The following NOD2 variants were observed in gnomAD, a reference collection of about 807,000 sequenced individuals.
NOD2 encodes the protein nucleotide-binding oligomerization domain-containing protein 2.
In NOD2, 86 loss-of-function variants were observed where a neutral mutation model predicts 90.9. The observed-to-expected ratio is 0.95, with a 90% confidence interval of 0.79 to 1.13. The LOEUF is 1.13. Among genes scored for constraint, NOD2 ranks in the 50% most tolerant of loss-of-function variants. The pLI is 0.00. For synonymous variants in NOD2, 581 were observed against 554.6 expected (o/e 1.05, Z -0.67); for missense variants, 1,238 against 1,283.8 (o/e 0.96, Z 0.55).
chr16:50,711,948 A>C lies in NOD2; in HGVS notation c.1956A>C (p.Ala652=). 4 of 1,612,648 alleles carry C rather than the reference A, an allele frequency of 2.5e-6. No individual in the cohort carries two copies. The highest frequency in any genetic ancestry group is 3.4e-6 in the Non-Finnish European group (4 of 1,179,186). ...HNLQITAAFL[A]GLLSREHWGL... is the part of the protein sequence containing the mutation. Reference sequence around the variant, plus strand: ...TTCAGATCACAGCAGCCTTCCTGGCAGGGCTGTTGTCCCGGGAGCACTGGG... The same window carrying C: ...TTCAGATCACAGCAGCCTTCCTGGCCGGGCTGTTGTCCCGGGAGCACTGGG... The change falls in exon 4 of 12, where the codon GCA becomes GCC. Residue 652 remains alanine, a synonymous_variant. Transcript: ENST00000647318.
intron 2 of NOD2, among the ~76,000 whole-genome samples, chr16:50,703,490 T>G (rs1448773376): frequency 6.6e-6 from 1 of 151,832 alleles, no homozygotes; most frequent in African/African-American, 2.4e-5. Context: ...ATACAAAAAA[T>G]TAGCCAAGAA....
intron 7 of NOD2, among the ~76,000 whole-genome samples, chr16:50,720,996 G>A (rs141462423): frequency 0.022 from 3,281 of 152,056 alleles, 47 homozygotes; most frequent in Non-Finnish European, 0.033. Flanking sequence ...GTAGAGACAG[G>A]GTTTCACCAT....
At chr16:50,708,912 C>T (rs1964328479) in intron 3 of NOD2, among the ~76,000 whole-genome samples, 1 of 152,220 alleles carries the variant, frequency 6.6e-6, no homozygotes, top group Non-Finnish European at 1.5e-5. Flanking sequence ...GGAGTGCAGG[C>T]CCTGGTTTGG....
rs763097580 is a variant in NOD2 at position 50,716,688 on chromosome 16, G to A, written c.2465+18G>A. ...AAGTTAGCGTAAGTCAGCCTGGGCT[G>A]TGGACAATGGGCTCCAAGTGCCCTG... is the stretch of plus-strand genomic sequence containing the variant. On this transcript the variant is annotated intron_variant, in intron 5 of 11. Coordinates refer to ENST00000647318, the MANE Select transcript of NOD2 (RefSeq NM_001370466.1). 6.8e-6 allele frequency: 11 copies of A among 1,612,054 alleles called. No homozygotes were observed. The highest frequency in any genetic ancestry group is 8.5e-6 in the Non-Finnish European group (10 of 1,178,278).
chr16:50,710,450 C>G, intron 3 of NOD2, 108 bp from the exon 4 acceptor site: 3 of 1,504,670 alleles, frequency 2.0e-6, no homozygotes, highest in Non-Finnish European at 2.8e-6. Context: ...CCCGCTGGCT[C>G]TCCTATCCCT....
intron 4 of NOD2, 81 bp from the exon 5 acceptor site, chr16:50,716,506 G>A: frequency 7.5e-7 from 1 of 1,325,034 alleles, no homozygotes. Context: ...AGGGATGAAT[G>A]AAAGTCTTTT....
chr16:50,711,282 GA>G lies in NOD2; in HGVS notation c.1292del (p.Lys431SerfsTer59). 1 of 1,613,808 alleles carries G rather than the reference GA, an allele frequency of 6.2e-7. No individual in the cohort carries two copies. The highest frequency in any genetic ancestry group is 8.5e-7 in the Non-Finnish European group (1 of 1,180,026). On this transcript the variant is annotated frameshift_variant, in exon 4 of 12. Coordinates refer to ENST00000647318, the MANE Select transcript of NOD2 (RefSeq NM_001370466.1). LOFTEE classifies it high-confidence loss of function. ...AACAGGGCATCGAGCTGTACCTGAG[GA>G]AGCGCCATCATGAGCCCGGGGTGGC... Reference protein sequence around the residue: ...SEQGIELYLRKRHHEPGVADR... With the variant: ...SEQGIELYLRXRHHEPGVADR...
chr16:50,716,703 C>T (rs1284796609), intron 5 of NOD2, 33 bp downstream of exon 5: 1 of 1,599,914 alleles, frequency 6.3e-7, no homozygotes. Context: ...CAATGGGCTC[C>T]AAGTGCCCTG....
intron 3 of NOD2, 136 bp downstream of exon 3, chr16:50,708,096 A>T: frequency 1.4e-6 from 1 of 713,608 alleles, no homozygotes; most frequent in Admixed American, 2.0e-5. Flanking sequence ...CCTTGTTTTA[A>T]GGCTAGCACC....
chr16:50,695,553 C>T (rs1963608524), intron 1 of NOD2, among the ~76,000 whole-genome samples: 1 of 152,000 alleles, frequency 6.6e-6, no homozygotes, highest in Non-Finnish European at 1.5e-5. Flanking sequence ...GCATCATCAC[C>T]ATATAACTGG....
Position 50,732,424 on chromosome 16 carries a change from C to G in NOD2, c.*605C>G, listed in dbSNP as rs1965488813. The G allele has an allele frequency of 6.2e-6, 1 of 160,214 alleles. No individual in the cohort carries two copies. The highest frequency in any genetic ancestry group is 1.4e-5 in the Non-Finnish European group (1 of 71,882). 9.9% of individuals were successfully genotyped at this position (160,214 alleles called of 1,614,324 possible). On this transcript the variant is annotated 3_prime_UTR_variant, in exon 12 of 12. Transcript: ENST00000647318. Reference sequence around the variant, plus strand: ...TCACTTACAGCACCCCCAACCCTGGCACCCAGGGTGGGAAGGGCTACACCT... The same window carrying G: ...TCACTTACAGCACCCCCAACCCTGGGACCCAGGGTGGGAAGGGCTACACCT...
Position 50,716,644 on chromosome 16 carries a change from TCA to T in NOD2, c.2441_2442del (p.His814LeufsTer16). On this transcript the variant is annotated frameshift_variant, in exon 5 of 12. Coordinates refer to ENST00000647318, the MANE Select transcript of NOD2 (RefSeq NM_001370466.1). LOFTEE classifies it high-confidence loss of function. ...GICKLIECALHCEQLQKLALF... is the reference protein window; with the variant it reads ...GICKLIECALXCEQLQKLALF... ...TCTGCAAGCTCATTGAATGTGCTCT[TCA>T]CTGCGAGCAATTGCAGAAGTTAGCG... 6.2e-7 allele frequency: 1 copy of T among 1,614,226 alleles called. No homozygotes were observed. Among genetic ancestry groups the T allele is most frequent in the Middle Eastern group, 1.6e-4 (1 of 6,062 alleles).
chr16:50,701,796 T>C (rs149952929), intron 2 of NOD2, among the ~76,000 whole-genome samples: 1 of 152,282 alleles, frequency 6.6e-6, no homozygotes, highest in Non-Finnish European at 1.5e-5. Flanking sequence ...GAAATCATGA[T>C]GGAAATCAGA....
At chr16:50,700,274 C>T (rs1246252390) in intron 2 of NOD2, among the ~76,000 whole-genome samples, 2 of 152,102 alleles carry the variant, frequency 1.3e-5, no homozygotes, top group East Asian at 1.9e-4. Flanking sequence ...GCTGCTGTAC[C>T]ACCATGAACA....
intron 2 of NOD2, among the ~76,000 whole-genome samples, chr16:50,707,570 A>AT (rs1964255804): frequency 6.6e-6 from 1 of 152,032 alleles, no homozygotes; most frequent in Admixed American, 6.6e-5. Context: ...CTGCAGAATC[A>AT]TTTTCCCTAT....
intron 6 of NOD2, among the ~76,000 whole-genome samples, chr16:50,717,961 C>T (rs1964874268): frequency 1.3e-5 from 2 of 152,176 alleles, no homozygotes; most frequent in African/African-American, 4.8e-5. Flanking sequence ...CATGCTTTTC[C>T]CAATACCTAC....
Position 50,712,124 on chromosome 16 carries a change from G to A in NOD2, c.2132G>A (p.Gly711Glu). The A allele has an allele frequency of 6.2e-7, 1 of 1,614,082 alleles. No individual in the cohort carries two copies. Among genetic ancestry groups the A allele is most frequent in the Non-Finnish European group, 8.5e-7 (1 of 1,180,048 alleles). Reference sequence around the variant, plus strand: ...GCCAAGAGCGTGCATGCCATGCCCGGGTTCATCTGGCTCATCCGGAGCCTG... The same window carrying A: ...GCCAAGAGCGTGCATGCCATGCCCGAGTTCATCTGGCTCATCCGGAGCCTG... Reference protein sequence around the residue: ...GEAKSVHAMPGFIWLIRSLYE... With the variant: ...GEAKSVHAMPEFIWLIRSLYE... The change falls in exon 4 of 12, where the codon GGG becomes GAG. Residue 711 changes from glycine to glutamate, a missense_variant. Gly to Glu is a moderately conservative substitution (Grantham distance 98). Coordinates refer to ENST00000647318, the MANE Select transcript of NOD2 (RefSeq NM_001370466.1).
intron 1 of NOD2, among the ~76,000 whole-genome samples, chr16:50,695,080 G>A (rs1204864864): frequency 6.6e-6 from 1 of 151,718 alleles, no homozygotes; most frequent in Non-Finnish European, 1.5e-5. Flanking sequence ...ATGGGAGCAC[G>A]GGTTTGGAAC....
intron 2 of NOD2, among the ~76,000 whole-genome samples, chr16:50,703,429 G>A (rs1964029221): frequency 6.6e-6 from 1 of 152,124 alleles, no homozygotes; most frequent in Non-Finnish European, 1.5e-5. Flanking sequence ...CACAAGGTCA[G>A]GAGATCGAGA....
Sources: gnomAD v4.1 joint callset for allele counts (sites outside exome capture counted in the v4.1 genomes callset) on GRCh38, gnomAD v4.1.1 for gene constraint, MANE v1.5 for transcripts, NCBI Gene and HGNC (gene_info 2026-07-23, HGNC 2026-07-21) for gene names.